PM20D2: variants seen among roughly 807,000 people sequenced by gnomAD.
PM20D2 encodes xaa-Arg dipeptidase.
In PM20D2, 33 loss-of-function variants were observed where a neutral mutation model predicts 42.9. The ratio of observed to expected loss-of-function variants is 0.77; its 90% confidence interval spans 0.58 to 1.03. The LOEUF is 1.03. PM20D2 is among the 50% of genes least tolerant of loss of function. PM20D2 has a pLI of 0.00. For missense variants in PM20D2, 548 were observed against 557.0 expected (o/e 0.98, Z 0.16); for synonymous variants, 250 against 228.2 (o/e 1.10, Z -0.86).
chr6:89,129,055 A>T, the PM20D2 span, among the ~76,000 whole-genome samples: 1 of 152,226 alleles, frequency 6.6e-6, no homozygotes, highest in Admixed American at 6.5e-5. Flanking sequence ...AAGAAAAAGG[A>T]GAGAAGCTGG....
At chr6:89,129,588 A>ATTTT in the PM20D2 span, among the ~76,000 whole-genome samples, 109 of 106,680 alleles carry the variant, frequency 1.0e-3, 4 homozygotes, top group African/African-American at 3.4e-3. Flanking sequence ...TCTGTTTCTA[A>ATTTT]TTTTTTTTTT....
At chr6:89,130,819 CTTTTTTTTTTTTTT>C in the PM20D2 span, among the ~76,000 whole-genome samples, 10 of 24,058 alleles carry the variant, frequency 4.2e-4, no homozygotes, top group East Asian at 1.8e-3. Context: ...GCTTCTTCTT[CTTTTTTTTTTTTTT>C]TTTTTTTTTT....
At chr6:89,139,768 A>G in the PM20D2 span, among the ~76,000 whole-genome samples, 1 of 152,322 alleles carries the variant, frequency 6.6e-6, no homozygotes, top group African/African-American at 2.4e-5. Context: ...GGGTATATAT[A>G]GGCAGGAAAG....
chr6:89,149,923 G>T (rs1054033322), intron 2 of PM20D2, among the ~76,000 whole-genome samples: 1 of 152,152 alleles, frequency 6.6e-6, no homozygotes, highest in East Asian at 1.9e-4. Flanking sequence ...TTTGTCTGGT[G>T]CTGAAACCTT....
rs1427007084 is a variant in PM20D2 at position 89,151,164 on chromosome 6, A to AAG, written c.614+1752_614+1753insGA. The stretch of plus-strand genomic sequence containing the variant: ...GTGAAACTCCATCTCAAAAAAAAAG[A>AAG]AAAAAAAAAAGAGAACAAGATCAAG... On this transcript the variant is annotated intron_variant, in intron 2 of 6. Coordinates refer to ENST00000275072, the MANE Select transcript of PM20D2 (RefSeq NM_001010853.3). Among the ~76,000 whole-genome samples, 85 of 143,976 alleles carry AAG rather than the reference A, an allele frequency of 5.9e-4. 1 individual carries two copies. Among genetic ancestry groups the AAG allele is most frequent in the East Asian group, 1.6e-3 (8 of 5,062 alleles). The allele number at this position is 143,976 out of a possible 152,430, so 94.5% of individuals were successfully genotyped here. A position where few individuals can be genotyped will look rare whatever the true frequency, so the allele number is the denominator to read the frequency against.
chr6:89,162,003 A>G (rs1225673416), intron 6 of PM20D2, 106 bp from the exon 7 acceptor site: 20 of 1,478,372 alleles, frequency 1.4e-5, no homozygotes, highest in African/African-American at 5.6e-5. Context: ...TAAATACTGC[A>G]CTGTGGTGGG....
the PM20D2 span, among the ~76,000 whole-genome samples, chr6:89,103,479 C>T: frequency 6.6e-6 from 1 of 152,178 alleles, no homozygotes; most frequent in Non-Finnish European, 1.5e-5. Flanking sequence ...CAGGCCTGTG[C>T]CACCACACCC....
chr6:89,128,275 C>T, the PM20D2 span, among the ~76,000 whole-genome samples: 1 of 152,110 alleles, frequency 6.6e-6, no homozygotes, highest in African/African-American at 2.4e-5. Flanking sequence ...CTATAAACGG[C>T]TGCTCTGGGA....
At chr6:89,105,624 T>A in the PM20D2 span, 1 of 870,888 alleles carries the variant, frequency 1.1e-6, no homozygotes, top group Admixed American at 2.8e-5. Context: ...AATAGGAAAA[T>A]CAAGTTCAAG....
At chr6:89,122,801 G>A in the PM20D2 span, among the ~76,000 whole-genome samples, 3 of 152,200 alleles carry the variant, frequency 2.0e-5, no homozygotes, top group African/African-American at 7.2e-5. Flanking sequence ...GATGGTGCTA[G>A]CTTTCCTCTA....
chr6:89,130,816 CTTCTTTTTTTTTTTTTT>C, the PM20D2 span, among the ~76,000 whole-genome samples: 30 of 50,936 alleles, frequency 5.9e-4, no homozygotes, highest in Non-Finnish European at 8.1e-4. Context: ...CTGGCTTCTT[CTTCTTTTTTTTTTTTTT>C]TTTTTTTTTT....
At chr6:89,150,525 T>A (rs1770793789) in intron 2 of PM20D2, among the ~76,000 whole-genome samples, 1 of 138,948 alleles carries the variant, frequency 7.2e-6, no homozygotes, top group South Asian at 2.4e-4. Flanking sequence ...TTCTCACTGA[T>A]CATCTCTTTT....
chr6:89,112,136 T>C, the PM20D2 span, among the ~76,000 whole-genome samples: 1 of 151,946 alleles, frequency 6.6e-6, no homozygotes, highest in African/African-American at 2.4e-5. Context: ...GCCTGCCGAG[T>C]AGCTGGGATC....
intron 2 of PM20D2, among the ~76,000 whole-genome samples, chr6:89,151,741 A>G (rs1469558327): frequency 6.6e-6 from 1 of 152,174 alleles, no homozygotes; most frequent in Non-Finnish European, 1.5e-5. Context: ...TGTCTTGAAA[A>G]TAATTCCATA....
the PM20D2 span, among the ~76,000 whole-genome samples, chr6:89,116,814 G>A: frequency 1.1e-4 from 17 of 151,268 alleles, no homozygotes; most frequent in African/African-American, 4.1e-4. Context: ...AATACTTAAC[G>A]TTTATTTACT....
chr6:89,153,036 T>A lies in PM20D2; in HGVS notation c.615-7T>A. On this transcript the variant is annotated splice_region_variant and splice_polypyrimidine_tract_variant and intron_variant, in intron 2 of 6. Coordinates refer to ENST00000275072, the MANE Select transcript of PM20D2 (RefSeq NM_001010853.3). Reference sequence around the variant, plus strand: ...AAAGTAATTTCAAATGATTTTTTATTTCCTAGTGTGACTGTGAAATACTAT... The same window carrying A: ...AAAGTAATTTCAAATGATTTTTTATATCCTAGTGTGACTGTGAAATACTAT... 1 of 1,579,942 alleles carries A rather than the reference T, an allele frequency of 6.3e-7. No homozygotes were observed. The highest frequency in any genetic ancestry group is 8.6e-7 in the Non-Finnish European group (1 of 1,163,876).
At chr6:89,104,275 C>T in the PM20D2 span, among the ~76,000 whole-genome samples, 11 of 141,978 alleles carry the variant, frequency 7.7e-5, no homozygotes, top group East Asian at 8.2e-4. Flanking sequence ...CTCGCTCTGT[C>T]GCTCAGGCTG....
the PM20D2 span, among the ~76,000 whole-genome samples, chr6:89,134,790 GCT>G: frequency 1.9e-3 from 281 of 151,360 alleles, 20 homozygotes; most frequent in African/African-American, 6.7e-3. Flanking sequence ...TTATGAGTGG[GCT>G]CTCAGAAAAT....
At chr6:89,114,490 T>C in the PM20D2 span, among the ~76,000 whole-genome samples, 2 of 152,230 alleles carry the variant, frequency 1.3e-5, no homozygotes, top group South Asian at 2.1e-4. Context: ...AAATTTAATA[T>C]ATGTAATGTT....
Sources: gnomAD v4.1 joint callset for allele counts (sites outside exome capture counted in the v4.1 genomes callset) on GRCh38, gnomAD v4.1.1 for gene constraint, MANE v1.5 for transcripts, NCBI Gene and HGNC (gene_info 2026-07-23, HGNC 2026-07-21) for gene names.